The following ZNF536 variants were observed in gnomAD, a reference collection of about 807,000 sequenced individuals.
ZNF536 encodes zinc finger protein 536.
In ZNF536, 13 loss-of-function variants were observed where a neutral mutation model predicts 84.5. The ratio of observed to expected loss-of-function variants is 0.15; its 90% CI spans 0.10 to 0.24. The LOEUF (loss-of-function observed/expected upper bound fraction) is 0.24, where lower values mean the gene tolerates loss of function less well. Among genes scored for constraint, ZNF536 ranks in the 10% least tolerant of loss-of-function variants. The pLI is 1.00. For synonymous variants in ZNF536, 811 were observed against 742.5 expected (o/e 1.09, Z -1.50); for missense variants, 1,536 against 1,747.5 (o/e 0.88, Z 2.16).
Position 30,443,397 on chromosome 19 carries a change from G to T in ZNF536, c.-2-164G>T, listed in dbSNP as rs143316236. ...AGGAGCAATGCCATATTGCATAATT[G>T]GCATTTAATAATTCATTTTTTTATT... is the stretch of plus-strand genomic sequence containing the variant. On this transcript the variant is annotated intron_variant, in intron 1 of 4. Transcript: ENST00000355537. 5.5e-3 allele frequency among the ~76,000 whole-genome samples: 839 copies of T among 152,310 alleles called. 13 individuals carry two copies. The highest frequency in any genetic ancestry group is 0.019 in the African/African-American group (808 of 41,572).
At chr19:30,626,796 C>T (rs1332198261) in intron 1 of ZNF536, among the ~76,000 whole-genome samples, 2 of 152,192 alleles carry the variant, frequency 1.3e-5, no homozygotes, top group Non-Finnish European at 2.9e-5. Flanking sequence ...ATGGTGACCG[C>T]GCCAGATAGG....
chr19:30,470,787 G>A (rs1027659766), intron 2 of ZNF536, among the ~76,000 whole-genome samples: 1 of 150,630 alleles, frequency 6.6e-6, no homozygotes, highest in Non-Finnish European at 1.5e-5. Flanking sequence ...CCTGGTTCAA[G>A]CAATTCTCCT....
chr19:30,293,511 G>A (rs1021994027), intron 2 of ZNF536, among the ~76,000 whole-genome samples: 5 of 152,144 alleles, frequency 3.3e-5, no homozygotes, highest in African/African-American at 1.2e-4. Context: ...GGGAATGCAC[G>A]ACATTCCCCC....
chr19:30,389,145 C>T (rs1323450050), intron 1 of ZNF536, among the ~76,000 whole-genome samples: 2 of 152,236 alleles, frequency 1.3e-5, no homozygotes, highest in Non-Finnish European at 2.9e-5. Flanking sequence ...TGTGAGTTCA[C>T]CCAGTCCGCA....
upstream of ZNF536, among the ~76,000 whole-genome samples, chr19:30,369,383 T>A (rs531570307): frequency 6.6e-6 from 1 of 152,370 alleles, no homozygotes; most frequent in Middle Eastern, 3.4e-3. Context: ...TGTAACACTT[T>A]TCTGAAAACC....
intron 1 of ZNF536, among the ~76,000 whole-genome samples, chr19:30,595,314 GTC>G (rs1192361570): frequency 2.0e-5 from 3 of 152,008 alleles, no homozygotes; most frequent in African/African-American, 7.3e-5. Flanking sequence ...AAGAGATAGA[GTC>G]TCTCTCTCTT....
chr19:30,330,044 A>G (rs768349899), intron 2 of ZNF536, among the ~76,000 whole-genome samples: 1 of 152,196 alleles, frequency 6.6e-6, no homozygotes, highest in Non-Finnish European at 1.5e-5. Context: ...CATGCCTGGT[A>G]TACAGTAGGC....
chr19:30,264,966 T>TGTGTGTGTGTGTGTGTGAGAGAGA (rs59889852), intron 1 of ZNF536, among the ~76,000 whole-genome samples: 2 of 133,776 alleles, frequency 1.5e-5, no homozygotes, highest in East Asian at 2.4e-4. Context: ...TGTGTGTGTG[T>TGTGTGTGTGTGTGTGTGAGAGAGA]GAGAGAGAGA....
At chr19:30,393,261 C>T (rs530900990) in intron 1 of ZNF536, among the ~76,000 whole-genome samples, 169 of 152,204 alleles carry the variant, frequency 1.1e-3, no homozygotes, top group African/African-American at 3.9e-3. Context: ...TGAGAACTAC[C>T]AGGATACATA....
chr19:30,518,135 G>A (rs528231691), intron 2 of ZNF536, among the ~76,000 whole-genome samples: 28 of 152,256 alleles, frequency 1.8e-4, no homozygotes, highest in Admixed American at 1.6e-3. Flanking sequence ...GCAGAAGCCT[G>A]ATCCAGTCAA....
intron 2 of ZNF536, among the ~76,000 whole-genome samples, chr19:30,499,793 T>C (rs3786800): frequency 0.17 from 26,114 of 152,160 alleles, 2,520 homozygotes; most frequent in Non-Finnish European, 0.21. Context: ...TGGTGACTCA[T>C]ATTCCTCTTA....
rs1040333329 is a variant in ZNF536 at position 30,427,309 on chromosome 19, TGAG to T, written c.-2-16248_-2-16246del. On this transcript the variant is annotated intron_variant, in intron 1 of 4. Transcript: ENST00000355537. ...GATGCAGAGATGCTTGCCAAGTAGT[TGAG>T]GAGAATGTGGGGAAGAGTGATAGGA... 7.2e-5 allele frequency among the ~76,000 whole-genome samples: 11 copies of T among 152,266 alleles called. No homozygotes were observed. In the East Asian group the frequency reaches 1.7e-3, roughly 24 times the overall value.
At chr19:30,490,680 C>T (rs905552497) in intron 2 of ZNF536, among the ~76,000 whole-genome samples, 1 of 152,174 alleles carries the variant, frequency 6.6e-6, no homozygotes, top group Non-Finnish European at 1.5e-5. Context: ...GCACTCTCTC[C>T]TAAGTATGTC....
chr19:30,372,754 A>C (rs1193276194), intron 1 of ZNF536, among the ~76,000 whole-genome samples, 198 bp downstream of exon 1: 2 of 152,088 alleles, frequency 1.3e-5, no homozygotes, highest in Admixed American at 6.5e-5. Context: ...CTTTAAATTT[A>C]TTATAATTTA....
intron 2 of ZNF536, among the ~76,000 whole-genome samples, chr19:30,495,735 G>A (rs1418198292): frequency 2.0e-5 from 3 of 152,222 alleles, no homozygotes; most frequent in Non-Finnish European, 4.4e-5. Context: ...TTAGCCCCAA[G>A]TGTGCAGTCA....
chr19:30,710,201 C>A (rs1307758100), intron 1 of ZNF536, among the ~76,000 whole-genome samples: 1 of 152,082 alleles, frequency 6.6e-6, no homozygotes. Context: ...GAAAAAAATT[C>A]AGATATGGGG....
intron 2 of ZNF536, among the ~76,000 whole-genome samples, chr19:30,459,339 CTTCT>C (rs768268745): frequency 4.8e-5 from 5 of 104,820 alleles, no homozygotes; most frequent in African/African-American, 1.8e-4. Context: ...TCTTTCTTTC[CTTCT>C]TTCTTTCTCT....
chr19:30,635,476 G>A (rs2049033462), intron 1 of ZNF536, among the ~76,000 whole-genome samples: 1 of 152,126 alleles, frequency 6.6e-6, no homozygotes, highest in African/African-American at 2.4e-5. Context: ...CCTGAGCCAG[G>A]GCTGTCCTTC....
At chr19:30,291,209 G>A (rs1176995406) in intron 2 of ZNF536, among the ~76,000 whole-genome samples, 1 of 152,182 alleles carries the variant, frequency 6.6e-6, no homozygotes, top group Non-Finnish European at 1.5e-5. Context: ...ATCCAGTAAT[G>A]GGATTGCTGG....
Sources: gnomAD v4.1 joint callset for allele counts (sites outside exome capture counted in the v4.1 genomes callset) on GRCh38, gnomAD v4.1.1 for gene constraint, MANE v1.5 for transcripts, NCBI Gene and HGNC (gene_info 2026-07-23, HGNC 2026-07-21) for gene names.